Variants in ZNF148 observed in about 807,000 individuals in gnomAD.
The protein encoded by ZNF148 is zinc finger protein 148, also known as Beta-Enolase Repressor Factor-1.
ZNF148 carries 7 observed loss-of-function variants against 67.7 expected under a neutral mutation model. The observed-to-expected ratio is 0.10, with a 90% CI of 0.06 to 0.19. The LOEUF (loss-of-function observed/expected upper bound fraction) is 0.19, where lower values mean the gene tolerates loss of function less well. Ranked by LOEUF, ZNF148 falls within the 10% of genes least tolerant of loss-of-function variation. The pLI is 1.00. For missense variants in ZNF148, 583 were observed against 947.1 expected (o/e 0.62, Z 5.05); for synonymous variants, 333 against 330.7 (o/e 1.01, Z -0.08).
rs1019569869 is a variant in ZNF148, at chr3:125,285,417, T to C, written c.459+2686A>G. Among the ~76,000 whole-genome samples, 3 of 152,110 alleles carry C rather than the reference T, an allele frequency of 2.0e-5. No individual in the cohort carries two copies. The South Asian group carries it at 6.2e-4, about 32-fold the overall frequency. ...ATTACTCACTGGTTATATCTTAAAG[T>C]TCTAAGACTCCAGACACAAAAAACC... On this transcript the variant is annotated intron_variant, in intron 5 of 8. Coordinates refer to ENST00000360647, the MANE Select transcript of ZNF148 (RefSeq NM_021964.3).
intron 3 of ZNF148, among the ~76,000 whole-genome samples, chr3:125,321,046 A>C (rs936106727): frequency 6.6e-6 from 1 of 152,192 alleles, no homozygotes; most frequent in African/African-American, 2.4e-5. Context: ...ATCCTTGAAA[A>C]GTATAGTTTT....
intron 1 of ZNF148, among the ~76,000 whole-genome samples, chr3:125,342,173 AGAAGGAAGAAAGG>A (rs1368699683): frequency 6.6e-6 from 1 of 152,182 alleles, no homozygotes; most frequent in Non-Finnish European, 1.5e-5. Flanking sequence ...AGTTTCATAA[AGAAGGAAGAAAGG>A]GAGTGGGGCT....
chr3:125,255,179 T>C (rs1322468968), intron 7 of ZNF148, among the ~76,000 whole-genome samples: 3 of 151,464 alleles, frequency 2.0e-5, no homozygotes, highest in African/African-American at 7.3e-5. Flanking sequence ...CAATGTCTGG[T>C]CTGTAAATAT....
At chr3:125,291,390 T>C (rs1272092764) in intron 4 of ZNF148, among the ~76,000 whole-genome samples, 1 of 152,164 alleles carries the variant, frequency 6.6e-6, no homozygotes, top group Admixed American at 6.6e-5. Flanking sequence ...TGATCCACTT[T>C]ACAGAAAAGA....
chr3:125,374,175 G>A (rs567567624), intron 1 of ZNF148, among the ~76,000 whole-genome samples: 42 of 152,114 alleles, frequency 2.8e-4, no homozygotes, highest in South Asian at 1.5e-3. Flanking sequence ...CCAAACTACA[G>A]ACTAAAATCT....
intron 5 of ZNF148, among the ~76,000 whole-genome samples, chr3:125,280,300 C>T (rs1383245802): frequency 6.6e-6 from 1 of 151,994 alleles, no homozygotes; most frequent in Non-Finnish European, 1.5e-5. Context: ...AAGAGTATTG[C>T]AAGCCTGGTT....
intron 4 of ZNF148, among the ~76,000 whole-genome samples, chr3:125,288,744 A>G (rs908218240): frequency 1.3e-5 from 2 of 152,194 alleles, no homozygotes; most frequent in African/African-American, 4.8e-5. Flanking sequence ...AAATCTAATT[A>G]TCTTCATGCT....
intron 1 of ZNF148, among the ~76,000 whole-genome samples, chr3:125,354,318 A>C (rs949310053): frequency 6.6e-6 from 1 of 152,170 alleles, no homozygotes; most frequent in Non-Finnish European, 1.5e-5. Context: ...AACTCAGTTC[A>C]CTTTTTTTGT....
chr3:125,239,036 T>C (rs760064864), intron 7 of ZNF148, among the ~76,000 whole-genome samples: 3 of 152,194 alleles, frequency 2.0e-5, no homozygotes, highest in Non-Finnish European at 4.4e-5. Flanking sequence ...ATTCTGCTTA[T>C]ATGCGGTATC....
At chr3:125,235,129 T>A (rs1397979968) in intron 7 of ZNF148, among the ~76,000 whole-genome samples, 5 of 152,302 alleles carry the variant, frequency 3.3e-5, no homozygotes, top group Admixed American at 1.3e-4. Flanking sequence ...TTACCTTGAA[T>A]AATGCTTGTT....
chr3:125,343,030 GAAAC>G (rs1579855242), intron 1 of ZNF148, among the ~76,000 whole-genome samples: 2 of 152,158 alleles, frequency 1.3e-5, no homozygotes, highest in East Asian at 1.9e-4. Flanking sequence ...AAGGAGACAG[GAAAC>G]AAACATTCAC....
intron 1 of ZNF148, among the ~76,000 whole-genome samples, chr3:125,368,743 G>A (rs1210455994): frequency 5.9e-5 from 9 of 151,954 alleles, no homozygotes; most frequent in Non-Finnish European, 1.3e-4. Flanking sequence ...CCAGGAGTTC[G>A]ACACCAGCCT....
chr3:125,311,584 T>G (rs920976973), intron 4 of ZNF148, among the ~76,000 whole-genome samples: 4 of 152,112 alleles, frequency 2.6e-5, no homozygotes, highest in Non-Finnish European at 4.4e-5. Context: ...AGTGTCTTTT[T>G]AAAATCAAAT....
At chr3:125,291,753 A>G (rs925653812) in intron 4 of ZNF148, among the ~76,000 whole-genome samples, 19 of 152,192 alleles carry the variant, frequency 1.2e-4, no homozygotes, top group Admixed American at 5.9e-4. Flanking sequence ...AATAATCTGT[A>G]GTCAGCATAC....
chr3:125,281,378 T>C (rs1289796833), intron 5 of ZNF148, among the ~76,000 whole-genome samples: 2 of 152,168 alleles, frequency 1.3e-5, no homozygotes, highest in Non-Finnish European at 2.9e-5. Context: ...ACTCAAAATA[T>C]TTTATACATA....
intron 1 of ZNF148, among the ~76,000 whole-genome samples, chr3:125,373,525 C>T (rs775590424): frequency 6.6e-6 from 1 of 152,052 alleles, no homozygotes; most frequent in Non-Finnish European, 1.5e-5. Context: ...TGGTTCATTT[C>T]CTGACATAGA....
At chr3:125,300,863 T>C (rs1156259222) in intron 4 of ZNF148, among the ~76,000 whole-genome samples, 5 of 152,246 alleles carry the variant, frequency 3.3e-5, no homozygotes, top group Admixed American at 3.3e-4. Context: ...CTTAACATGC[T>C]TGCCACCAAA....
chr3:125,369,354 C>T (rs1339276992), intron 1 of ZNF148, among the ~76,000 whole-genome samples: 6 of 111,202 alleles, frequency 5.4e-5, no homozygotes, highest in Admixed American at 5.0e-4. Context: ...CACACTAAAA[C>T]TCTCCAGAAG....
chr3:125,233,344 C>T lies in ZNF148; in HGVS notation c.1382G>A (p.Ser461Asn), dbSNP rs1935939330. ...QEGPSKPVHSSTNYDDAMQFL... is the reference protein window; with the variant it reads ...QEGPSKPVHSNTNYDDAMQFL... ...CTGCATGGCATCATCATAATTAGTA[C>T]TACTATGCACAGGTTTACTGGGCCC... Residue 461 changes from serine (S) to asparagine (N), a missense_variant, in exon 9 of 9, where the codon AGT becomes AAT. By Grantham distance (46) the Ser-to-Asn change is conservative. Around this residue, in one of 5 missense-constraint regions of ZNF148, gnomAD observed 172 missense variants for 307.7 expected, o/e 0.56. Coordinates refer to ENST00000360647, the MANE Select transcript of ZNF148 (RefSeq NM_021964.3). This position sits in a 1 kb window ranked among gnomAD's most constrained non-coding sequence, Gnocchi z 5.1. 2.5e-6 allele frequency: 4 copies of T among 1,613,972 alleles called. No homozygotes were observed. The highest frequency in any genetic ancestry group is 3.4e-6 in the Non-Finnish European group (4 of 1,179,926).
Sources: gnomAD v4.1 joint callset for allele counts (sites outside exome capture counted in the v4.1 genomes callset) on GRCh38, gnomAD v4.1.1 for gene constraint, gnomAD v4.1.1 regional missense constraint, Gnocchi (gnomAD v3.1) non-coding constraint, MANE v1.5 for transcripts, NCBI Gene and HGNC (gene_info 2026-07-23, HGNC 2026-07-21) for gene names.